Variants in YIF1B observed in about 807,000 individuals in gnomAD.
YIF1B encodes protein YIF1B.
A neutral mutation model predicts 34.6 loss-of-function variants in YIF1B; 24 were observed. The observed-to-expected ratio is 0.69, with a 90% CI of 0.50 to 0.98. The LOEUF (loss-of-function observed/expected upper bound fraction) is 0.98, where lower values mean the gene tolerates loss of function less well. Among genes scored for constraint, YIF1B ranks in the 50% least tolerant of loss-of-function variants. The pLI is 0.00. For missense variants in YIF1B, 368 were observed against 429.4 expected (o/e 0.86, Z 1.26); for synonymous variants, 186 against 184.8 (o/e 1.01, Z -0.05).
At chr19:38,319,958 G>A, upstream of YIF1B, 1 of 1,451,986 alleles carries the variant, frequency 6.9e-7, no homozygotes. Context: ...GCCATGCGGA[G>A]GGGCGCGCTT....
chr19:38,320,403 AC>A, upstream of YIF1B: 1 of 996,664 alleles, frequency 1.0e-6, no homozygotes, highest in Non-Finnish European at 1.4e-6. Flanking sequence ...CCCCGAAAAG[AC>A]CCCAGTGAGG....
At chr19:38,318,492 C>T (rs763039249), upstream of YIF1B, among the ~76,000 whole-genome samples, 2 of 152,066 alleles carry the variant, frequency 1.3e-5, no homozygotes, top group Non-Finnish European at 2.9e-5. Context: ...CCATGTTGCC[C>T]GAGCTGGTCT....
upstream of YIF1B, chr19:38,317,124 C>G (rs1348417882): frequency 6.6e-6 from 1 of 152,322 alleles, no homozygotes. Context: ...TTCTACAACC[C>G]CCAGCAACTC....
In YIF1B at chr19:38,310,810, TCTC is replaced by T. The variant is rs1969298768; in HGVS notation, c.59-1170_59-1168del. 2.6e-5 allele frequency among the ~76,000 whole-genome samples: 4 copies of T among 151,894 alleles called. No homozygotes were observed. The South Asian group carries it at 8.3e-4, about 32-fold the overall frequency. On this transcript the variant is annotated intron_variant, in intron 1 of 7. Coordinates refer to ENST00000339413, the MANE Select transcript of YIF1B (RefSeq NM_001039672.3). ...CCCCAACATCCTCAGAGCTCCCTCC[TCTC>T]CTCCTCAAGGGCTTTGTTCAGTGAG...
Position 38,310,384 on chromosome 19 carries a change from C to T in YIF1B, c.59-741G>A, listed in dbSNP as rs184448496. On this transcript the variant is annotated intron_variant, in intron 1 of 7. Coordinates refer to ENST00000339413, the MANE Select transcript of YIF1B (RefSeq NM_001039672.3). ...CTAGCCAACTATCCATCCACTGATG[C>T]ATTTATCTTTCCATCTATCCATCCA... Among the ~76,000 whole-genome samples, 3 of 149,340 alleles carry T rather than the reference C, an allele frequency of 2.0e-5. No individual in the cohort carries two copies. In the Admixed American group the frequency reaches 2.0e-4, roughly 10 times the overall value.
upstream of YIF1B, among the ~76,000 whole-genome samples, chr19:38,319,266 C>T (rs1256352500): frequency 6.6e-6 from 1 of 152,030 alleles, no homozygotes; most frequent in Non-Finnish European, 1.5e-5. Flanking sequence ...TGTCAGTCTC[C>T]CAGTTAGACT....
chr19:38,309,015 G>C lies in YIF1B; in HGVS notation c.445C>G (p.Arg149Gly). Residue 149 changes from arginine to glycine, a missense_variant, in exon 4 of 8, where the codon CGC (arginine) becomes GGC (glycine). By Grantham distance (125) the Arg-to-Gly change is moderately radical. Coordinates refer to ENST00000339413, the MANE Select transcript of YIF1B (RefSeq NM_001039672.3). ...AGGTCCGGGGCATTGACGTCAAAGC[G>C]GGGGGCCACCGGGGTGTCCTGTTGG... ...QYQQDTPVAP[R>G]FDVNAPDLYI... 6.4e-7 allele frequency: 1 copy of C among 1,571,576 alleles called. No individual in the cohort carries two copies. Among genetic ancestry groups the C allele is most frequent in the Non-Finnish European group, 8.6e-7 (1 of 1,157,108 alleles).
In YIF1B at chr19:38,305,295, G is replaced by T; in HGVS notation, c.*57C>A. On this transcript the variant is annotated 3_prime_UTR_variant, in exon 8 of 8. Transcript: ENST00000339413. The stretch of plus-strand genomic sequence containing the variant: ...GGGCCTGCAGGCAGGAGATGAGTTC[G>T]GCGGCCACAGTGGCCCCCAGCAGCA... 6.4e-7 allele frequency: 1 copy of T among 1,567,930 alleles called. No individual in the cohort carries two copies. Among genetic ancestry groups the T allele is most frequent in the South Asian group, 1.2e-5 (1 of 85,956 alleles).
chr19:38,307,868 G>C (rs1338661334), intron 5 of YIF1B, 116 bp from the exon 6 acceptor site: 7 of 1,344,330 alleles, frequency 5.2e-6, no homozygotes, highest in Non-Finnish European at 7.1e-6. Context: ...GACCAAGATG[G>C]ATGTGCGCGC....
Position 38,309,631 on chromosome 19 carries a change from C to G in YIF1B, c.71G>C (p.Arg24Thr). 1 of 1,599,488 alleles carries G rather than the reference C, an allele frequency of 6.3e-7. No individual in the cohort carries two copies. The highest frequency in any genetic ancestry group is 1.7e-5 in the Admixed American group (1 of 57,394). The change falls in exon 2 of 8, where the codon AGG (arginine) becomes ACG (threonine). Residue 24 changes from arginine to threonine, a missense_variant. Physicochemically the swap from Arg to Thr is moderately conservative, Grantham distance 71. Around this residue, in one of 3 missense-constraint regions of YIF1B, gnomAD observed 153 missense variants for 156.7 expected, o/e 0.98. Transcript: ENST00000339413. ...CATGCCCGGCTGGGACACAGGGATC[C>G]TCCGCTTCGAGGCTGCAAGGGAAGA... Reference protein sequence around the residue: ...PRLRKWPSKRRIPVSQPGMAD... With the variant: ...PRLRKWPSKRTIPVSQPGMAD...
chr19:38,309,381 C>A, intron 2 of YIF1B, 24 bp downstream of exon 2: 1 of 1,612,758 alleles, frequency 6.2e-7, no homozygotes, highest in Non-Finnish European at 8.5e-7. Flanking sequence ...CATCCCCCCA[C>A]TCCCACCAGC....
chr19:38,304,585 G>A lies in YIF1B; in HGVS notation c.*767C>T. 1 of 1,612,034 alleles carries A rather than the reference G, an allele frequency of 6.2e-7. No homozygotes were observed. The highest frequency in any genetic ancestry group is 2.2e-5 in the East Asian group (1 of 44,844). ...CTTAGGCCTCCAACTTCAGGGGGCTGGGTAAGGGGCGCCGCCTCACTGCCG... is the reference window on the plus strand; with the variant it reads ...CTTAGGCCTCCAACTTCAGGGGGCTAGGTAAGGGGCGCCGCCTCACTGCCG... On this transcript the variant is annotated 3_prime_UTR_variant, in exon 8 of 8. Coordinates refer to ENST00000339413, the MANE Select transcript of YIF1B (RefSeq NM_001039672.3).
intron 1 of YIF1B, 109 bp downstream of exon 1, chr19:38,315,751 G>T: frequency 6.2e-7 from 1 of 1,607,906 alleles, no homozygotes; most frequent in East Asian, 2.2e-5. Flanking sequence ...GCACACCTCA[G>T]GGTTCCAGAT....
upstream of YIF1B, among the ~76,000 whole-genome samples, chr19:38,316,228 C>A (rs1367927113): frequency 2.0e-5 from 3 of 152,164 alleles, no homozygotes; most frequent in African/African-American, 7.2e-5. Flanking sequence ...AGTGTCTGCC[C>A]CTTGCCGGGG....
intron 7 of YIF1B, among the ~76,000 whole-genome samples, chr19:38,306,204 C>CAAAAAAA (rs1174694534): frequency 1.4e-4 from 4 of 28,710 alleles, no homozygotes; most frequent in African/African-American, 5.7e-4. Context: ...CTCTGTCTCA[C>CAAAAAAA]AAAAAAAAAA....
intron 7 of YIF1B, among the ~76,000 whole-genome samples, chr19:38,306,069 GTGAGTGCC>G (rs2146295105): frequency 6.6e-6 from 1 of 152,068 alleles, no homozygotes; most frequent in South Asian, 2.1e-4. Context: ...GGGCGTGGTG[GTGAGTGCC>G]TGTAGTCCCT....
chr19:38,320,248 G>A (rs376955900), upstream of YIF1B: 4 of 1,606,078 alleles, frequency 2.5e-6, no homozygotes, highest in Non-Finnish European at 3.4e-6. Flanking sequence ...TCTCTTCTTC[G>A]CCAGCACGCT....
At chr19:38,315,953 G>A (rs755031629), upstream of YIF1B, 12 of 1,397,678 alleles carry the variant, frequency 8.6e-6, no homozygotes, top group African/African-American at 1.5e-4. Context: ...GGTTCGGAGC[G>A]TGCCCGCCCG....
At chr19:38,312,223 C>T (rs1969354531) in intron 1 of YIF1B, among the ~76,000 whole-genome samples, 1 of 152,064 alleles carries the variant, frequency 6.6e-6, no homozygotes, top group African/African-American at 2.4e-5. Context: ...CAGTTCAAGA[C>T]CAGCCTGGCC....
Sources: allele counts gnomAD v4.1 joint callset (sites outside exome capture counted in the v4.1 genomes callset), GRCh38; gene constraint gnomAD v4.1.1; regional missense constraint gnomAD v4.1.1; transcripts MANE v1.5; gene names NCBI Gene and HGNC (gene_info 2026-07-23, HGNC 2026-07-21).